The following SLC35F3 variants were observed in gnomAD, a reference collection of about 807,000 sequenced individuals.
SLC35F3 encodes the protein solute carrier family 35 member F3, also known as putative thiamine transporter SLC35F3.
In SLC35F3, 25 loss-of-function variants were observed where a neutral mutation model predicts 49.9. That is an observed-to-expected ratio of 0.50 (90% CI 0.37 to 0.70). The LOEUF is 0.70. SLC35F3 is among the 30% of genes least tolerant of loss of function. The pLI is 0.00. For synonymous variants in SLC35F3, 275 were observed against 265.4 expected, an observed-to-expected ratio of 1.04 and a Z score of -0.35; for missense variants, 525 against 639.8, an observed-to-expected ratio of 0.82 and a Z score of 1.94.
chr1:234,318,909 G>T lies in SLC35F3; in HGVS notation c.1113G>T (p.Trp371Cys). 6.2e-7 allele frequency: 1 copy of T among 1,614,004 alleles called. No homozygotes were observed. Among genetic ancestry groups the T allele is most frequent in the Non-Finnish European group, 8.5e-7 (1 of 1,179,994 alleles). The change falls in exon 6 of 8, where the codon TGG becomes TGT. Residue 371 changes from tryptophan to cysteine, a missense_variant. This residue lies in a region of SLC35F3 where 216 missense variants were observed against 298.1 expected (regional missense o/e 0.72). Coordinates refer to ENST00000366618, the MANE Select transcript of SLC35F3 (RefSeq NM_173508.4). Reference sequence around the variant, plus strand: ...GGAGCTCTTTTGATGACATTCCATGGGGAAACCTTTGTGGATTTTCAGTTC... The same window carrying T: ...GGAGCTCTTTTGATGACATTCCATGTGGAAACCTTTGTGGATTTTCAGTTC... Reference protein sequence around the residue: ...EYWSSFDDIPWGNLCGFSVLL... With the variant: ...EYWSSFDDIPCGNLCGFSVLL...
At chr1:234,115,551 G>A (rs932201933) in intron 2 of SLC35F3, among the ~76,000 whole-genome samples, 3 of 152,072 alleles carry the variant, frequency 2.0e-5, no homozygotes, top group African/African-American at 7.2e-5. Flanking sequence ...GTAAACCTAA[G>A]ATCTACTCAC....
At chr1:234,010,760 C>T (rs936688581) in intron 2 of SLC35F3, among the ~76,000 whole-genome samples, 6 of 151,544 alleles carry the variant, frequency 4.0e-5, no homozygotes, top group African/African-American at 9.7e-5. Context: ...ATAGACTGAA[C>T]GTGAAGGGAT....
intron 3 of SLC35F3, chr1:234,306,595 C>T (rs1657193084): frequency 6.6e-6 from 1 of 152,312 alleles, no homozygotes. Context: ...AGAACCAAGA[C>T]CTACCAACCT....
intron 2 of SLC35F3, among the ~76,000 whole-genome samples, chr1:234,064,975 A>T (rs190176331): frequency 1.7e-3 from 253 of 152,328 alleles, no homozygotes; most frequent in African/African-American, 5.9e-3. Context: ...GACAGCGAAA[A>T]ATAGTGCCAG....
At chr1:234,067,000 C>T (rs1206268916) in intron 2 of SLC35F3, among the ~76,000 whole-genome samples, 1 of 152,196 alleles carries the variant, frequency 6.6e-6, no homozygotes, top group East Asian at 1.9e-4. Context: ...AAGGATCAAA[C>T]ATTTTTACAA....
chr1:234,276,903 A>G (rs1668221140), intron 3 of SLC35F3, among the ~76,000 whole-genome samples: 2 of 152,260 alleles, frequency 1.3e-5, no homozygotes, highest in Non-Finnish European at 2.9e-5. Flanking sequence ...GGTGCCCAGC[A>G]TCTGGCCTCT....
chr1:234,018,034 A>T (rs988194544), intron 2 of SLC35F3, among the ~76,000 whole-genome samples: 1 of 152,044 alleles, frequency 6.6e-6, no homozygotes, highest in Admixed American at 6.6e-5. Flanking sequence ...CAGTAGATCT[A>T]GAAAAGGGCA....
At chr1:234,105,332 G>A (rs533143011) in intron 2 of SLC35F3, among the ~76,000 whole-genome samples, 23 of 152,298 alleles carry the variant, frequency 1.5e-4, no homozygotes, top group African/African-American at 4.1e-4. Context: ...CTGCTCCCAA[G>A]AAGTGAGACT....
chr1:234,141,953 AT>A (rs1397033464), intron 2 of SLC35F3, among the ~76,000 whole-genome samples: 1 of 152,158 alleles, frequency 6.6e-6, no homozygotes, highest in African/African-American at 2.4e-5. Flanking sequence ...ATTTCACTGT[AT>A]TGTAATTATC....
chr1:234,092,301 G>T (rs547014090), intron 2 of SLC35F3, among the ~76,000 whole-genome samples: 1 of 152,264 alleles, frequency 6.6e-6, no homozygotes, highest in South Asian at 2.1e-4. Flanking sequence ...TATTAATAGG[G>T]AGTTGAATGT....
At chr1:234,124,102 C>A (rs1444696559) in intron 2 of SLC35F3, among the ~76,000 whole-genome samples, 1 of 152,186 alleles carries the variant, frequency 6.6e-6, no homozygotes, top group Non-Finnish European at 1.5e-5. Context: ...AGCTTTCCCA[C>A]TGAGAGTCTT....
chr1:234,118,208 G>A (rs955013547), intron 2 of SLC35F3, among the ~76,000 whole-genome samples: 7 of 152,018 alleles, frequency 4.6e-5, no homozygotes, highest in Non-Finnish European at 8.8e-5. Context: ...ATACACTGTG[G>A]ATGCTAAGTA....
chr1:233,964,856 T>A (rs1662875903), intron 2 of SLC35F3, among the ~76,000 whole-genome samples: 1 of 152,224 alleles, frequency 6.6e-6, no homozygotes, highest in South Asian at 2.1e-4. Flanking sequence ...TGTTACCAAC[T>A]GCTGTGATTG....
At chr1:234,282,540 T>A (rs112892845) in intron 3 of SLC35F3, among the ~76,000 whole-genome samples, 8,757 of 152,228 alleles carry the variant, frequency 0.058, 319 homozygotes, top group African/African-American at 0.097. Context: ...GCCTTACCCA[T>A]GTGGGAGATG....
chr1:234,120,902 T>G (rs1665560656), intron 2 of SLC35F3, among the ~76,000 whole-genome samples: 1 of 152,198 alleles, frequency 6.6e-6, no homozygotes, highest in Non-Finnish European at 1.5e-5. Flanking sequence ...CAATTCTCAC[T>G]AATGCCTTGA....
At chr1:234,047,236 A>G (rs1354434681) in intron 2 of SLC35F3, among the ~76,000 whole-genome samples, 1 of 152,148 alleles carries the variant, frequency 6.6e-6, no homozygotes, top group Non-Finnish European at 1.5e-5. Context: ...ATTGTCAATT[A>G]TATGAGTCAA....
chr1:234,009,996 A>G (rs1663690761), intron 2 of SLC35F3, among the ~76,000 whole-genome samples: 2 of 152,248 alleles, frequency 1.3e-5, no homozygotes, highest in Non-Finnish European at 2.9e-5. Flanking sequence ...CTTGAAATAA[A>G]TTGAAATTAA....
chr1:234,167,852 A>G (rs1040871572), intron 2 of SLC35F3, among the ~76,000 whole-genome samples: 2 of 152,064 alleles, frequency 1.3e-5, no homozygotes, highest in African/African-American at 4.8e-5. Context: ...TCCCTAAGGG[A>G]CCTGTCTTGC....
chr1:234,117,660 G>C (rs112438622), intron 2 of SLC35F3, among the ~76,000 whole-genome samples: 2,677 of 150,936 alleles, frequency 0.018, 77 homozygotes, highest in African/African-American at 0.062. Context: ...GCTGAGGCTG[G>C]TGGATCACGA....
Sources: gnomAD v4.1 joint callset for allele counts (sites outside exome capture counted in the v4.1 genomes callset) on GRCh38, gnomAD v4.1.1 for gene constraint, gnomAD v4.1.1 regional missense constraint, MANE v1.5 for transcripts, NCBI Gene and HGNC (gene_info 2026-07-23, HGNC 2026-07-21) for gene names.